The following HTR2C variants were observed in gnomAD, a reference collection of about 807,000 sequenced individuals.
HTR2C encodes 5-hydroxytryptamine receptor 2C.
In HTR2C, 5 loss-of-function variants were observed where a neutral mutation model predicts 21.0. The observed-to-expected ratio is 0.24, with a 90% CI of 0.12 to 0.50. The LOEUF (loss-of-function observed/expected upper bound fraction) is 0.50. Among genes scored for constraint, HTR2C ranks in the 20% least tolerant of loss-of-function variants. HTR2C has a pLI of 0.98. For synonymous variants in HTR2C, 150 were observed against 145.3 expected (o/e 1.03, Z -0.23); for missense variants, 271 against 371.2 (o/e 0.73, Z 2.22).
intron 2 of HTR2C, among the ~76,000 whole-genome samples, chrX:114,618,943 G>T (rs1569478647): frequency 9.0e-6 from 1 of 110,982 alleles, no homozygotes; most frequent in Non-Finnish European, 1.9e-5. Flanking sequence ...AAGTAATAAT[G>T]AAGATACTAT....
chrX:114,706,755 C>A (rs1932778337), intron 2 of HTR2C, among the ~76,000 whole-genome samples: 1 of 110,356 alleles, frequency 9.1e-6, no homozygotes, highest in Admixed American at 9.7e-5. Flanking sequence ...AAAGTATGGT[C>A]TATAAAAATA....
intron 2 of HTR2C, among the ~76,000 whole-genome samples, chrX:114,664,547 A>T: frequency 8.9e-6 from 1 of 112,126 alleles, no homozygotes; most frequent in Non-Finnish European, 1.9e-5. Context: ...CAAGAACATG[A>T]TCTCATTCCT....
intron 2 of HTR2C, among the ~76,000 whole-genome samples, chrX:114,672,735 G>A (rs922851067): frequency 8.9e-6 from 1 of 111,926 alleles, no homozygotes; most frequent in South Asian, 3.7e-4. Context: ...TATACATTCT[G>A]TAGAGTTTCA....
At chrX:114,603,303 A>T (rs1209044155) in intron 1 of HTR2C, among the ~76,000 whole-genome samples, 1 of 111,389 alleles carries the variant, frequency 9.0e-6, no homozygotes, top group Non-Finnish European at 1.9e-5. Flanking sequence ...TTTGGAAGTT[A>T]TGAGAACTGT....
chrX:114,602,835 C>G (rs1256977623), intron 1 of HTR2C, among the ~76,000 whole-genome samples: 2 of 92,736 alleles, frequency 2.2e-5, no homozygotes, highest in African/African-American at 4.0e-5. Context: ...GGCAAATCCT[C>G]GAGCTTGATG....
intron 2 of HTR2C, among the ~76,000 whole-genome samples, chrX:114,660,729 T>G (rs1930954477): frequency 8.9e-6 from 1 of 112,343 alleles, no homozygotes; most frequent in South Asian, 3.6e-4. Context: ...CTTTTTAGGA[T>G]TTCTATGTGT....
At chrX:114,640,687 C>T (rs1287339333) in intron 2 of HTR2C, among the ~76,000 whole-genome samples, 1 of 112,096 alleles carries the variant, frequency 8.9e-6, no homozygotes, top group Non-Finnish European at 1.9e-5. Context: ...TGAAGACTTA[C>T]TAAATACAGG....
At chrX:114,690,799 C>T (rs1932084105) in intron 2 of HTR2C, among the ~76,000 whole-genome samples, 1 of 110,922 alleles carries the variant, frequency 9.0e-6, no homozygotes. Flanking sequence ...CATTTAAAGA[C>T]AATACTAGAA....
chrX:114,608,428 C>G (rs1331555761), intron 1 of HTR2C, among the ~76,000 whole-genome samples: 2 of 79,495 alleles, frequency 2.5e-5, no homozygotes, highest in East Asian at 8.4e-4. Flanking sequence ...CTTCAACCCC[C>G]AGCACTAGGC....
Position 114,758,349 on chromosome X carries a change from A to G in HTR2C, c.349+26742A>G, listed in dbSNP as rs185981081. 1.1e-4 allele frequency among the ~76,000 whole-genome samples: 12 copies of G among 110,248 alleles called. No individual in the cohort carries two copies. In the East Asian group the frequency reaches 3.2e-3, roughly 29 times the overall value. ...GGCCGAGACAGGAGAACCATTTGAG[A>G]CCAAAATTTGGGAACAGCCTGGGCA... On this transcript the variant is annotated intron_variant, in intron 4 of 5. Transcript: ENST00000276198.
chrX:114,787,724 G>T (rs2070190161), intron 4 of HTR2C, among the ~76,000 whole-genome samples: 1 of 110,969 alleles, frequency 9.0e-6, no homozygotes. Context: ...GAGGCAGGCG[G>T]ATCACGAGGT....
chrX:114,769,019 T>A (rs1414944943), intron 4 of HTR2C, among the ~76,000 whole-genome samples: 10 of 55,191 alleles, frequency 1.8e-4, no homozygotes, highest in African/African-American at 6.9e-4. Context: ...TTTTCAGACA[T>A]GTGTTAAAAC....
intron 4 of HTR2C, among the ~76,000 whole-genome samples, chrX:114,786,904 G>A (rs944793431): frequency 9.1e-6 from 1 of 109,384 alleles, no homozygotes; most frequent in Admixed American, 9.9e-5. Flanking sequence ...GTTTTGTTTT[G>A]TTTTGTTTTT....
chrX:114,594,320 T>C (rs1391890042), intron 1 of HTR2C, among the ~76,000 whole-genome samples: 1 of 111,709 alleles, frequency 9.0e-6, no homozygotes, highest in Non-Finnish European at 1.9e-5. Flanking sequence ...ATAGGGTTTC[T>C]AGAAGATTTC....
intron 4 of HTR2C, among the ~76,000 whole-genome samples, chrX:114,786,565 T>C (rs1054625806): frequency 1.8e-5 from 2 of 111,734 alleles, no homozygotes; most frequent in African/African-American, 6.5e-5. Context: ...AGGTAACCAC[T>C]TAATTGTGGC....
At chrX:114,661,350 C>T (rs1218391956) in intron 2 of HTR2C, among the ~76,000 whole-genome samples, 3 of 108,064 alleles carry the variant, frequency 2.8e-5, no homozygotes, top group Admixed American at 9.9e-5. Flanking sequence ...GCTGAGGCCA[C>T]GTAAATACAC....
At chrX:114,867,229 T>G (rs143588221) in intron 5 of HTR2C, among the ~76,000 whole-genome samples, 85 of 111,835 alleles carry the variant, frequency 7.6e-4, no homozygotes, top group African/African-American at 2.5e-3. Context: ...TCATTGTAGT[T>G]TTCGATTTCC....
intron 5 of HTR2C, among the ~76,000 whole-genome samples, chrX:114,861,038 G>T (rs1449336144): frequency 9.0e-6 from 1 of 111,207 alleles, no homozygotes; most frequent in East Asian, 2.8e-4. Flanking sequence ...CTATTTTTGT[G>T]TGTATGGCAA....
intron 2 of HTR2C, among the ~76,000 whole-genome samples, chrX:114,618,796 G>A (rs895936670): frequency 2.5e-4 from 28 of 111,205 alleles, no homozygotes; most frequent in African/African-American, 9.1e-4. Flanking sequence ...TAAACATATG[G>A]CCCAGACAAG....
Sources: gnomAD v4.1 joint callset for allele counts (sites outside exome capture counted in the v4.1 genomes callset) on GRCh38, gnomAD v4.1.1 for gene constraint, MANE v1.5 for transcripts, NCBI Gene and HGNC (gene_info 2026-07-23, HGNC 2026-07-21) for gene names.